The following GTF2IRD1 variants were observed in gnomAD, a reference collection of about 807,000 sequenced individuals.
The protein encoded by GTF2IRD1 is general transcription factor II-I repeat domain-containing protein 1.
GTF2IRD1 carries 26 observed loss-of-function variants against 113.2 expected under a neutral mutation model. That is an observed-to-expected ratio of 0.23 (90% CI 0.17 to 0.32). GTF2IRD1 has a LOEUF of 0.32. Among genes scored for constraint, GTF2IRD1 ranks in the 10% least tolerant of loss-of-function variants. The pLI is 1.00. For synonymous variants in GTF2IRD1, 484 were observed against 529.1 expected, an observed-to-expected ratio of 0.91 and a Z score of 1.17; for missense variants, 864 against 1,280.8, an observed-to-expected ratio of 0.67 and a Z score of 4.97.
chr7:74,587,306 G>A (rs1488690258), intron 22 of GTF2IRD1, among the ~76,000 whole-genome samples: 2 of 152,036 alleles, frequency 1.3e-5, no homozygotes, highest in African/African-American at 2.4e-5. Flanking sequence ...TTAACCGGAC[G>A]TTGTGGCAGG....
chr7:74,521,187 T>C (rs1554345870), intron 6 of GTF2IRD1, 21 bp from the exon 7 acceptor site: 1 of 1,477,668 alleles, frequency 6.8e-7, no homozygotes. Context: ...TGGAACCTTC[T>C]TCCTTCTCTC....
intron 21 of GTF2IRD1, 33 bp downstream of exon 21, chr7:74,559,077 A>G (rs1583884809): frequency 6.3e-7 from 1 of 1,590,134 alleles, no homozygotes; most frequent in Non-Finnish European, 8.6e-7. Context: ...GTGAAGAGGC[A>G]GGACTAGCTC....
chr7:74,479,590 C>G (rs936679833), intron 1 of GTF2IRD1, among the ~76,000 whole-genome samples: 1 of 152,154 alleles, frequency 6.6e-6, no homozygotes, highest in African/African-American at 2.4e-5. Context: ...CACCTGCAAA[C>G]GCCAACTCCC....
chr7:74,565,562 CG>C, intron 22 of GTF2IRD1, among the ~76,000 whole-genome samples: 1 of 152,044 alleles, frequency 6.6e-6, no homozygotes, highest in Non-Finnish European at 1.5e-5. Context: ...GGACAGCTAA[CG>C]GGGGCTGTTC....
chr7:74,551,423 A>G (rs1799299606), intron 17 of GTF2IRD1, among the ~76,000 whole-genome samples: 1 of 152,244 alleles, frequency 6.6e-6, no homozygotes. Context: ...GATGCCTGCC[A>G]GGTCCCGGGC....
In GTF2IRD1 at chr7:74,555,940, A is replaced by C. The variant is rs1312234989; in HGVS notation, c.2023+446A>C. ...CCTGGACAACATAGAACCCGTCTCT[A>C]TGTCTATTTTTAAGAAAAGAAATCA... On this transcript the variant is annotated intron_variant, in intron 19 of 26. Transcript: ENST00000424337. The surrounding 1 kb of genome is among the most constrained non-coding windows in gnomAD (Gnocchi z 5.3). Among the ~76,000 whole-genome samples the C allele has an allele frequency of 1.3e-5, 2 of 151,972 alleles. No homozygotes were observed. The highest frequency in any genetic ancestry group is 4.8e-5 in the African/African-American group (2 of 41,382).
Position 74,536,220 on chromosome 7 carries a change from G to C in GTF2IRD1, c.1354G>C (p.Asp452His), listed in dbSNP as rs2130542133. 2 of 1,613,778 alleles carry C rather than the reference G, an allele frequency of 1.2e-6. No individual in the cohort carries two copies. The highest frequency in any genetic ancestry group is 1.7e-6 in the Non-Finnish European group (2 of 1,179,740). ...GCTGGAGCCAGCCAGCCCGCCAGAG[G>C]ACACCTCTGCAGAGGTCTCTAGGGC... The part of the protein sequence containing the change: ...TKLEPASPPE[D>H]TSAEVSRATV... The change falls in exon 11 of 27, where the codon GAC (aspartate) becomes CAC (histidine). Residue 452 changes from aspartate to histidine, a missense_variant. Asp to His is a moderately conservative substitution (Grantham distance 81). Transcript: ENST00000424337.
intron 8 of GTF2IRD1, among the ~76,000 whole-genome samples, chr7:74,528,920 T>C (rs13235426): frequency 0.55 from 55,528 of 101,510 alleles, 16,279 homozygotes; most frequent in Non-Finnish European, 0.64. Context: ...GATGGATGGA[T>C]GGACGGACAA....
chr7:74,517,028 G>GTTGTTGT, intron 4 of GTF2IRD1, among the ~76,000 whole-genome samples: 1 of 150,938 alleles, frequency 6.6e-6, no homozygotes, highest in Non-Finnish European at 1.5e-5. Context: ...TGTTGTTGTT[G>GTTGTTGT]TTGTTGTTGT....
At chr7:74,597,459 C>T (rs1802492042) in intron 25 of GTF2IRD1, among the ~76,000 whole-genome samples, 1 of 151,486 alleles carries the variant, frequency 6.6e-6, no homozygotes, top group African/African-American at 2.4e-5. Flanking sequence ...AATTCTCATG[C>T]CTTAGCCTCC....
chr7:74,538,603 GAA>G (rs1405980300), intron 12 of GTF2IRD1, 75 bp from the exon 13 acceptor site: 110 of 886,428 alleles, frequency 1.2e-4, no homozygotes, highest in Non-Finnish European at 2.1e-4. Context: ...ACAGACACCA[GAA>G]TGTTCTGGAA....
chr7:74,582,868 G>A (rs1244991174), intron 22 of GTF2IRD1, among the ~76,000 whole-genome samples: 2 of 151,936 alleles, frequency 1.3e-5, no homozygotes, highest in East Asian at 3.9e-4. Context: ...GGGCAACATA[G>A]CAAGATCCCA....
chr7:74,483,768 T>C (rs1181602314), intron 1 of GTF2IRD1, among the ~76,000 whole-genome samples: 1 of 151,996 alleles, frequency 6.6e-6, no homozygotes, highest in Non-Finnish European at 1.5e-5. Flanking sequence ...GGCCGGCAGA[T>C]GGCTTGAGTC....
chr7:74,518,085 C>A, intron 4 of GTF2IRD1, 54 bp from the exon 5 acceptor site: 1 of 1,324,892 alleles, frequency 7.5e-7, no homozygotes, highest in South Asian at 1.6e-5. Context: ...CAGCCCCGAC[C>A]CCAGCCTGGC....
intron 22 of GTF2IRD1, among the ~76,000 whole-genome samples, chr7:74,589,192 G>C (rs1801905097): frequency 6.6e-6 from 1 of 151,904 alleles, no homozygotes; most frequent in African/African-American, 2.4e-5. Flanking sequence ...GACTCCATCT[G>C]TACAAAAACT....
intron 17 of GTF2IRD1, among the ~76,000 whole-genome samples, chr7:74,549,473 G>T (rs1328261994): frequency 1.3e-5 from 2 of 152,150 alleles, no homozygotes; most frequent in African/African-American, 4.8e-5. Flanking sequence ...CTACTGCAGG[G>T]CCTGCTCTGT....
chr7:74,544,870 C>T (rs1247406093), intron 15 of GTF2IRD1, 68 bp downstream of exon 15: 2 of 1,302,194 alleles, frequency 1.5e-6, no homozygotes, highest in African/African-American at 1.4e-5. Context: ...CTGCCGCCCA[C>T]CTCCCCTTGG....
At chr7:74,505,646 G>A (rs1205994342) in intron 1 of GTF2IRD1, among the ~76,000 whole-genome samples, 1 of 152,228 alleles carries the variant, frequency 6.6e-6, no homozygotes, top group Non-Finnish European at 1.5e-5. Context: ...GATTCGATTT[G>A]GGCCTCAGCA....
intron 22 of GTF2IRD1, among the ~76,000 whole-genome samples, chr7:74,586,618 G>A (rs587671131): frequency 1.3e-5 from 2 of 152,270 alleles, no homozygotes; most frequent in South Asian, 4.1e-4. Context: ...TGGAGCCCTG[G>A]GAAAAGGAGG....
Sources: gnomAD v4.1 joint callset for allele counts (sites outside exome capture counted in the v4.1 genomes callset) on GRCh38, gnomAD v4.1.1 for gene constraint, Gnocchi (gnomAD v3.1) non-coding constraint, MANE v1.5 for transcripts, NCBI Gene and HGNC (gene_info 2026-07-23, HGNC 2026-07-21) for gene names.